Variants in CAMK1D observed in about 807,000 individuals in gnomAD.
The protein encoded by CAMK1D is calcium/calmodulin-dependent protein kinase type 1D.
Under a neutral mutation model 47.7 loss-of-function variants are expected in CAMK1D, and 9 were observed. The observed-to-expected ratio is 0.19, with a 90% confidence interval of 0.11 to 0.33. The LOEUF is 0.33. Among genes scored for constraint, CAMK1D ranks in the 10% least tolerant of loss-of-function variants. The pLI, the probability that CAMK1D is intolerant of heterozygous loss-of-function variation, is 1.00. For synonymous variants in CAMK1D, 184 were observed against 184.9 expected (o/e 0.99, Z 0.04); for missense variants, 291 against 488.7 (o/e 0.60, Z 3.81).
In CAMK1D at chr10:12,548,623, C is replaced by T. The variant is rs190747525; in HGVS notation, c.93-4602C>T. 1.2e-3 allele frequency among the ~76,000 whole-genome samples: 179 copies of T among 151,894 alleles called. 1 individual carries two copies. Among genetic ancestry groups the T allele is most frequent in the African/African-American group, 4.2e-3 (172 of 41,386 alleles). On this transcript the variant is annotated intron_variant, in intron 1 of 10. Coordinates refer to ENST00000619168, the MANE Select transcript of CAMK1D (RefSeq NM_153498.4). ...GGTATGACAGGTGTACACCACCGTA[C>T]CTGGCTAATTTTTAAATTTTTTCTA... is the stretch of plus-strand genomic sequence containing the variant.
intron 1 of CAMK1D, among the ~76,000 whole-genome samples, chr10:12,490,625 G>A (rs762051196): frequency 8.5e-5 from 13 of 152,194 alleles, no homozygotes; most frequent in Non-Finnish European, 2.9e-5. Context: ...GAGGTGGGCC[G>A]ATCACCTGAG....
At chr10:12,804,395 C>T (rs1191930263) in intron 6 of CAMK1D, among the ~76,000 whole-genome samples, 1 of 152,022 alleles carries the variant, frequency 6.6e-6, no homozygotes, top group Non-Finnish European at 1.5e-5. Context: ...GGGCGGATTA[C>T]CTGAGGTCAG....
chr10:12,472,523 C>CTTATT (rs1833778159), intron 1 of CAMK1D, among the ~76,000 whole-genome samples: 1 of 151,862 alleles, frequency 6.6e-6, no homozygotes, highest in Non-Finnish European at 1.5e-5. Flanking sequence ...ATTCATTCAG[C>CTTATT]TTATTTTATT....
chr10:12,572,343 C>A (rs1172767194), intron 2 of CAMK1D, among the ~76,000 whole-genome samples: 2 of 152,184 alleles, frequency 1.3e-5, no homozygotes, highest in Non-Finnish European at 2.9e-5. Context: ...CTCTCTCCTG[C>A]CACCATGTAA....
At chr10:12,715,476 G>C (rs1181201375) in intron 3 of CAMK1D, among the ~76,000 whole-genome samples, 2 of 152,190 alleles carry the variant, frequency 1.3e-5, no homozygotes, top group Non-Finnish European at 2.9e-5. Flanking sequence ...ATACTGCTCT[G>C]TAGATGGATA....
chr10:12,438,734 G>T (rs1832701666), intron 1 of CAMK1D, among the ~76,000 whole-genome samples: 1 of 152,176 alleles, frequency 6.6e-6, no homozygotes, highest in Non-Finnish European at 1.5e-5. Context: ...TTTGAAGGTT[G>T]AGGCATTGCA....
chr10:12,584,458 G>C (rs1275686781), intron 2 of CAMK1D, among the ~76,000 whole-genome samples: 1 of 152,124 alleles, frequency 6.6e-6, no homozygotes, highest in Non-Finnish European at 1.5e-5. Flanking sequence ...TTTTTTCTCA[G>C]ACTTTATAAC....
rs538354296 is a variant in CAMK1D at position 12,809,503 on chromosome 10, T to C, written c.642-4692T>C. On this transcript the variant is annotated intron_variant, in intron 6 of 10. Transcript: ENST00000619168. ...AGCTAAGTGTCCATGAACATATGAG[T>C]GGTTAAACTGTGGTAGATGCATATA... 1.6e-4 allele frequency among the ~76,000 whole-genome samples: 25 copies of C among 152,264 alleles called. 1 individual carries two copies. In the South Asian group the frequency reaches 5.0e-3, roughly 30 times the overall value.
chr10:12,397,246 G>A (rs183605873), intron 1 of CAMK1D, among the ~76,000 whole-genome samples: 116 of 152,212 alleles, frequency 7.6e-4, no homozygotes, highest in Admixed American at 2.5e-3. Flanking sequence ...AAAATGAGCG[G>A]GGCTGGTTTT....
chr10:12,784,119 G>C (rs1044827044), intron 5 of CAMK1D, among the ~76,000 whole-genome samples: 12 of 152,114 alleles, frequency 7.9e-5, no homozygotes, highest in Non-Finnish European at 1.5e-5. Flanking sequence ...AGGAGGTTCT[G>C]AGAGATCGTG....
At chr10:12,734,540 A>G (rs532352428) in intron 3 of CAMK1D, among the ~76,000 whole-genome samples, 17 of 147,042 alleles carry the variant, frequency 1.2e-4, no homozygotes, top group East Asian at 4.0e-4. Flanking sequence ...ATACACACAT[A>G]TGTATATATG....
At chr10:12,518,185 A>G (rs1347556456) in intron 1 of CAMK1D, among the ~76,000 whole-genome samples, 2 of 152,228 alleles carry the variant, frequency 1.3e-5, no homozygotes, top group East Asian at 3.8e-4. Context: ...ACTGAAGCCC[A>G]CAGGCCAGCC....
intron 1 of CAMK1D, among the ~76,000 whole-genome samples, chr10:12,351,978 A>G (rs1415041832): frequency 6.6e-6 from 1 of 152,246 alleles, no homozygotes; most frequent in Non-Finnish European, 1.5e-5. Flanking sequence ...CATGGTAATC[A>G]TAGGTGGTAT....
chr10:12,380,676 GA>G (rs1183478074), intron 1 of CAMK1D, among the ~76,000 whole-genome samples: 12 of 152,128 alleles, frequency 7.9e-5, no homozygotes, highest in East Asian at 1.9e-4. Flanking sequence ...CTAACACGGT[GA>G]AACCCCATCT....
chr10:12,615,061 G>C (rs754179187), intron 2 of CAMK1D, among the ~76,000 whole-genome samples: 2 of 152,198 alleles, frequency 1.3e-5, no homozygotes, highest in Admixed American at 6.5e-5. Context: ...CTGGAGGACT[G>C]ATAATCCATT....
intron 2 of CAMK1D, among the ~76,000 whole-genome samples, chr10:12,570,897 G>C (rs540577979): frequency 2.9e-4 from 44 of 152,192 alleles, no homozygotes; most frequent in African/African-American, 1.0e-3. Flanking sequence ...GTTGTAGTGA[G>C]CCGAGATTGC....
intron 3 of CAMK1D, among the ~76,000 whole-genome samples, chr10:12,718,322 T>C (rs1011071): frequency 0.38 from 57,839 of 152,060 alleles, 12,305 homozygotes; most frequent in Middle Eastern, 0.51. Flanking sequence ...ATACCAGAAT[T>C]ACCACTCACC....
chr10:12,724,510 A>G (rs1834530474), intron 3 of CAMK1D, among the ~76,000 whole-genome samples: 1 of 152,194 alleles, frequency 6.6e-6, no homozygotes, highest in South Asian at 2.1e-4. Context: ...ATCACTCTGC[A>G]TCTTCTGGTA....
intron 6 of CAMK1D, among the ~76,000 whole-genome samples, chr10:12,800,845 C>T (rs1460639439): frequency 6.6e-6 from 1 of 152,176 alleles, no homozygotes; most frequent in Non-Finnish European, 1.5e-5. Context: ...CATAATACAG[C>T]GCTCAGAATA....
Sources: allele counts gnomAD v4.1 joint callset (sites outside exome capture counted in the v4.1 genomes callset), GRCh38; gene constraint gnomAD v4.1.1; transcripts MANE v1.5; gene names NCBI Gene and HGNC (gene_info 2026-07-23, HGNC 2026-07-21).